The following NLRP8 variants were observed in gnomAD, a reference collection of about 807,000 sequenced individuals.
NLRP8 encodes the protein NLR family pyrin domain containing 8.
A neutral mutation model predicts 88.7 loss-of-function variants in NLRP8; 86 were observed. The observed-to-expected ratio is 0.97, with a 90% CI of 0.81 to 1.16. NLRP8 has a LOEUF of 1.16. Ranked by LOEUF, NLRP8 falls within the 50% of genes most tolerant of loss-of-function variation. The pLI, the probability that NLRP8 is intolerant of heterozygous loss-of-function variation, is 0.00. For synonymous variants in NLRP8, 504 were observed against 494.6 expected (o/e 1.02, Z -0.25); for missense variants, 1,342 against 1,286.5 (o/e 1.04, Z -0.66).
Position 55,962,567 on chromosome 19 carries a change from C to T in NLRP8, c.2213+330C>T, listed in dbSNP as rs189342546. 3.3e-4 allele frequency among the ~76,000 whole-genome samples: 51 copies of T among 152,320 alleles called. 1 individual carries two copies. The highest frequency in any genetic ancestry group is 1.1e-3 in the African/African-American group (47 of 41,582). On this transcript the variant is annotated intron_variant, in intron 4 of 9. Coordinates refer to ENST00000291971, the MANE Select transcript of NLRP8 (RefSeq NM_176811.2). ...CAGTGGGTCACGGAATTCCTGACAT[C>T]TCCCTGGTGCACTTCAATGCGCCCA...
At position 55,957,437 on chromosome 19, in the gene NLRP8, G is replaced by A. The variant is rs1380494535; in HGVS notation, c.2042+1337G>A. Among the ~76,000 whole-genome samples, 3 of 151,916 alleles carry A rather than the reference G, an allele frequency of 2.0e-5. No homozygotes were observed. In the South Asian group the frequency reaches 6.2e-4, roughly 32 times the overall value. On this transcript the variant is annotated intron_variant, in intron 3 of 9. Coordinates refer to ENST00000291971, the MANE Select transcript of NLRP8 (RefSeq NM_176811.2). Reference sequence around the variant, plus strand: ...GCCGTGGTTCATGCCTGTAATCCCAGCACTTTGGGAGGCCGAGGCAGGTGG... The same window carrying A: ...GCCGTGGTTCATGCCTGTAATCCCAACACTTTGGGAGGCCGAGGCAGGTGG...
At chr19:55,987,104 C>T (rs940358129) in intron 9 of NLRP8, among the ~76,000 whole-genome samples, 46 of 152,204 alleles carry the variant, frequency 3.0e-4, no homozygotes, top group African/African-American at 9.2e-4. Context: ...TGCAGTGGCT[C>T]ACGCCTATAA....
intron 4 of NLRP8, among the ~76,000 whole-genome samples, chr19:55,964,091 C>T (rs1287894032): frequency 1.3e-5 from 2 of 152,180 alleles, no homozygotes; most frequent in Non-Finnish European, 2.9e-5. Context: ...TTTTAAGATC[C>T]AAAAACCCGA....
intron 3 of NLRP8, among the ~76,000 whole-genome samples, chr19:55,961,606 A>G (rs1364996639): frequency 6.6e-6 from 1 of 151,690 alleles, no homozygotes; most frequent in Non-Finnish European, 1.5e-5. Context: ...ATTCAAGACC[A>G]GCCTGGGTAA....
rs1156465338 is a variant in NLRP8 at position 55,948,053 on chromosome 19, G to A, written c.151G>A (p.Glu51Lys). The A allele has an allele frequency of 6.2e-7, 1 of 1,614,096 alleles. No homozygotes were observed. Residue 51 changes from glutamate to lysine, a missense_variant, in exon 1 of 10, where the codon GAG (glutamate) becomes AAG (lysine). Glu to Lys is a moderately conservative substitution (Grantham distance 56). Coordinates refer to ENST00000291971, the MANE Select transcript of NLRP8 (RefSeq NM_176811.2). ...GCTGTACATGAGAAACGTGAGCCATGAGGAGCTACAACGGTTCAAGCAGCT... is the reference window on the plus strand; with the variant it reads ...GCTGTACATGAGAAACGTGAGCCATAAGGAGCTACAACGGTTCAAGCAGCT...
In NLRP8 at chr19:55,955,656, T is replaced by C. The variant is rs1453578210; in HGVS notation, c.1598T>C (p.Leu533Ser). The C allele has an allele frequency of 1.2e-6, 2 of 1,614,234 alleles. No homozygotes were observed. Among genetic ancestry groups the C allele is most frequent in the Non-Finnish European group, 1.7e-6 (2 of 1,180,032 alleles). Residue 533 changes from leucine (L) to serine (S), a missense_variant, in exon 3 of 10, where the codon TTG (leucine) becomes TCG (serine). Leu to Ser is a moderately radical substitution (Grantham distance 145). Coordinates refer to ENST00000291971, the MANE Select transcript of NLRP8 (RefSeq NM_176811.2). ...CAAAGACTCAAAAATTTTCATGTGT[T>C]GAGCCACGTGAATATCCAGCGCCTG...
At chr19:55,962,552 C>G (rs779864318) in intron 4 of NLRP8, among the ~76,000 whole-genome samples, 4 of 152,196 alleles carry the variant, frequency 2.6e-5, no homozygotes, top group African/African-American at 4.8e-5. Context: ...CAGTGGGTCA[C>G]GGAATTCCTG....
chr19:55,985,842 C>T (rs1208005007), intron 9 of NLRP8, among the ~76,000 whole-genome samples: 2 of 151,968 alleles, frequency 1.3e-5, no homozygotes, highest in East Asian at 3.9e-4. Flanking sequence ...ATAGTGAAAC[C>T]CCATCTCTAT....
chr19:55,977,683 T>C (rs1276029940), intron 8 of NLRP8, among the ~76,000 whole-genome samples: 4 of 151,560 alleles, frequency 2.6e-5, no homozygotes, highest in African/African-American at 9.7e-5. Flanking sequence ...TTACCTTAAG[T>C]ATTTGGAAAA....
At chr19:55,979,900 C>T (rs1980502957) in intron 9 of NLRP8, among the ~76,000 whole-genome samples, 1 of 152,176 alleles carries the variant, frequency 6.6e-6, no homozygotes. Flanking sequence ...GCCTGGGCAA[C>T]AGAGTGAGAC....
intron 3 of NLRP8, among the ~76,000 whole-genome samples, chr19:55,961,271 A>G (rs947612097): frequency 6.6e-6 from 1 of 152,070 alleles, no homozygotes; most frequent in Non-Finnish European, 1.5e-5. Context: ...CCTCTCTGAA[A>G]CGATTGTATG....
intron 7 of NLRP8, among the ~76,000 whole-genome samples, chr19:55,974,730 TG>T (rs370490914): frequency 0.018 from 2,573 of 146,312 alleles, 72 homozygotes; most frequent in East Asian, 0.051. Flanking sequence ...AGTGAGACTC[TG>T]TCTCAAAAAA....
chr19:55,952,567 T>C lies in NLRP8; in HGVS notation c.397T>C (p.Leu133=). The C allele has an allele frequency of 6.2e-7, 1 of 1,614,072 alleles. No individual in the cohort carries two copies. The highest frequency in any genetic ancestry group is 8.5e-7 in the Non-Finnish European group (1 of 1,179,976). ...TCTGCCTACCTTGGAACCAGAGGAC[T>C]TGAATGTGGGAGAAACACAGGTGAA... Residue 133 remains leucine, a synonymous_variant, in exon 2 of 10, where the codon TTG becomes CTG. Coordinates refer to ENST00000291971, the MANE Select transcript of NLRP8 (RefSeq NM_176811.2).
intron 9 of NLRP8, among the ~76,000 whole-genome samples, chr19:55,985,790 T>C (rs1300556409): frequency 2.6e-5 from 4 of 152,014 alleles, no homozygotes; most frequent in African/African-American, 7.2e-5. Flanking sequence ...CCGAGGCGGG[T>C]GGATCACCTG....
chr19:55,975,009 A>G (rs988116291), intron 7 of NLRP8, among the ~76,000 whole-genome samples: 25 of 152,080 alleles, frequency 1.6e-4, no homozygotes, highest in African/African-American at 5.6e-4. Context: ...GAGGTAGTTC[A>G]TTTTCACAGC....
intron 3 of NLRP8, among the ~76,000 whole-genome samples, chr19:55,956,919 G>A (rs1979382116): frequency 6.6e-6 from 1 of 151,972 alleles, no homozygotes; most frequent in Non-Finnish European, 1.5e-5. Context: ...CAGCCTCCCA[G>A]GTATCTGGAA....
rs1979839080 is a variant in NLRP8, at chr19:55,966,330, G to A, written c.2331G>A (p.Lys777=). The A allele has an allele frequency of 6.2e-7, 1 of 1,614,056 alleles. No individual in the cohort carries two copies. Among genetic ancestry groups the A allele is most frequent in the African/African-American group, 1.3e-5 (1 of 74,944 alleles). The stretch of plus-strand genomic sequence containing the variant: ...TGGAAGTGGAGTCCAAAGCTGTGAA[G>A]CTTCTATGCAGGGTGCTGAGATCCC... Residue 777 remains lysine (K), a synonymous_variant, in exon 5 of 10, where the codon AAG becomes AAA. Coordinates refer to ENST00000291971, the MANE Select transcript of NLRP8 (RefSeq NM_176811.2).
chr19:55,986,385 C>T (rs577541147), intron 9 of NLRP8, among the ~76,000 whole-genome samples: 1 of 151,656 alleles, frequency 6.6e-6, no homozygotes, highest in East Asian at 1.9e-4. Flanking sequence ...CACACATTCT[C>T]TCACACACAT....
At chr19:55,972,254 A>G (rs1980108012) in intron 6 of NLRP8, among the ~76,000 whole-genome samples, 1 of 151,220 alleles carries the variant, frequency 6.6e-6, no homozygotes, top group Non-Finnish European at 1.5e-5. Context: ...AGCTGGGATT[A>G]CAGGTGCCTG....
Sources: gnomAD v4.1 joint callset for allele counts (sites outside exome capture counted in the v4.1 genomes callset) on GRCh38, gnomAD v4.1.1 for gene constraint, MANE v1.5 for transcripts, NCBI Gene and HGNC (gene_info 2026-07-23, HGNC 2026-07-21) for gene names.